PRR14L: variants seen among roughly 807,000 people sequenced by gnomAD.
PRR14L encodes proline rich 14 like, also known as protein PRR14L.
A neutral mutation model predicts 155.0 loss-of-function variants in PRR14L; 80 were observed. The observed-to-expected ratio is 0.52, with a 90% confidence interval of 0.43 to 0.62. PRR14L has a LOEUF of 0.62. Among genes scored for constraint, PRR14L ranks in the 20% least tolerant of loss-of-function variants. The probability of loss-of-function intolerance (pLI) is 0.00; values close to 1 mark genes in which losing one functional copy is unlikely to be tolerated. For synonymous variants in PRR14L, 883 were observed against 916.0 expected (o/e 0.96, Z 0.65); for missense variants, 2,469 against 2,548.0 (o/e 0.97, Z 0.67).
In PRR14L at chr22:31,685,066, G is replaced by A. The variant is rs368317399; in HGVS notation, c.*461C>T. The stretch of plus-strand genomic sequence containing the variant: ...TCCTCAACTACTGAAATGAGCCAGT[G>A]AGACCACACAGGACAGGACGCCAGG... On this transcript the variant is annotated 3_prime_UTR_variant, in exon 9 of 9. Coordinates refer to ENST00000327423, the MANE Select transcript of PRR14L (RefSeq NM_173566.3). 2.5e-5 allele frequency: 4 copies of A among 162,162 alleles called. No homozygotes were observed. The highest frequency in any genetic ancestry group is 7.2e-5 in the African/African-American group (3 of 41,634). 10.0% of individuals were successfully genotyped at this position (162,162 alleles called of 1,614,324 possible). A position where few individuals can be genotyped will look rare whatever the true frequency, so the allele number is the denominator to read the frequency against.
intron 2 of PRR14L, among the ~76,000 whole-genome samples, chr22:31,732,562 C>T (rs1374939687): frequency 6.6e-6 from 1 of 152,156 alleles, no homozygotes. Flanking sequence ...ACAATTTGTT[C>T]CTGAAGGAGG....
At chr22:31,726,714 A>C (rs1383097906) in intron 2 of PRR14L, among the ~76,000 whole-genome samples, 1 of 152,166 alleles carries the variant, frequency 6.6e-6, no homozygotes, top group East Asian at 1.9e-4. Flanking sequence ...TGGAAAAGGG[A>C]GAGTGCCTGA....
chr22:31,711,271 A>C (rs762402228), intron 4 of PRR14L, among the ~76,000 whole-genome samples: 9 of 152,076 alleles, frequency 5.9e-5, no homozygotes, highest in Non-Finnish European at 1.2e-4. Flanking sequence ...CCAGGAGTTC[A>C]AGACCAGCCT....
chr22:31,717,806 G>A (rs1414561445), intron 3 of PRR14L, among the ~76,000 whole-genome samples: 1 of 152,050 alleles, frequency 6.6e-6, no homozygotes, highest in African/African-American at 2.4e-5. Context: ...TGTTGCCCAT[G>A]CTGGAGTACA....
rs1285786859 is a variant in PRR14L at position 31,713,107 on chromosome 22, G to T, written c.4732C>A (p.Pro1578Thr). Reference protein sequence around the residue: ...CTLSAPTRLEPETAPTKSLVS... With the variant: ...CTLSAPTRLETETAPTKSLVS... ...AAGCTCTTGGTAGGTGCTGTTTCAG[G>T]TTCTAATCGTGTAGGTGCAGACAGA... Residue 1578 changes from proline (P) to threonine (T), a missense_variant, in exon 4 of 9, where the codon CCT (proline) becomes ACT (threonine). Coordinates refer to ENST00000327423, the MANE Select transcript of PRR14L (RefSeq NM_173566.3). 14 of 1,552,264 alleles carry T rather than the reference G, an allele frequency of 9.0e-6. No homozygotes were observed. Among genetic ancestry groups the T allele is most frequent in the Non-Finnish European group, 1.1e-5 (13 of 1,147,110 alleles).
chr22:31,743,296 CTG>C (rs1322041991), intron 1 of PRR14L, among the ~76,000 whole-genome samples: 1 of 151,502 alleles, frequency 6.6e-6, no homozygotes, highest in Non-Finnish European at 1.5e-5. Context: ...AACCGAAAGT[CTG>C]TCCAAAAAAA....
intron 3 of PRR14L, among the ~76,000 whole-genome samples, chr22:31,724,432 G>A (rs1235772445): frequency 6.6e-6 from 1 of 152,144 alleles, no homozygotes; most frequent in Non-Finnish European, 1.5e-5. Context: ...ACAGGGTCTT[G>A]CTCTGTTGCC....
rs775881521 is a variant in PRR14L, at chr22:31,715,250, C to T, written c.2589G>A (p.Thr863=). Residue 863 remains threonine, a synonymous_variant, in exon 4 of 9, where the codon ACG becomes ACA. Transcript: ENST00000327423. ...SQERELDGKE[T]NGSLPGDKIR... is the part of the protein sequence containing the mutation. ...TCTTATCTCCTGGAAGGCTGCCATT[C>T]GTTTCTTTCCCATCAAGTTCCCTTT... 2.3e-5 allele frequency: 35 copies of T among 1,552,196 alleles called. No homozygotes were observed. Among genetic ancestry groups the T allele is most frequent in the East Asian group, 2.4e-5 (1 of 40,936 alleles).
chr22:31,721,523 G>C lies in PRR14L; in HGVS notation c.547+4015C>G, dbSNP rs146237754. Among the ~76,000 whole-genome samples, 715 of 150,922 alleles carry C rather than the reference G, an allele frequency of 4.7e-3. 17 individuals are homozygous for C. The East Asian group carries it at 0.05, about 11-fold the overall frequency. On this transcript the variant is annotated intron_variant, in intron 3 of 8. Coordinates refer to ENST00000327423, the MANE Select transcript of PRR14L (RefSeq NM_173566.3). ...GCGGAGTTTGCAGTGAGCTGAGATAGTGCCACTGCAGTCTGGCCTGGGCGA... is the reference window on the plus strand; with the variant it reads ...GCGGAGTTTGCAGTGAGCTGAGATACTGCCACTGCAGTCTGGCCTGGGCGA...
intron 2 of PRR14L, among the ~76,000 whole-genome samples, chr22:31,737,201 C>G (rs530325712): frequency 6.6e-6 from 1 of 152,018 alleles, no homozygotes; most frequent in Non-Finnish European, 1.5e-5. Flanking sequence ...GAGGGCCCAG[C>G]AGGGTACGGT....
intron 3 of PRR14L, among the ~76,000 whole-genome samples, chr22:31,722,933 G>T (rs2074698777): frequency 6.6e-6 from 1 of 152,220 alleles, no homozygotes; most frequent in African/African-American, 2.4e-5. Flanking sequence ...AGAGAACGTG[G>T]GTCTATTTAA....
At chr22:31,711,820 T>C (rs1306593555) in intron 4 of PRR14L, among the ~76,000 whole-genome samples, 1 of 139,326 alleles carries the variant, frequency 7.2e-6, no homozygotes, top group African/African-American at 2.7e-5. Flanking sequence ...ACAGATTTGA[T>C]GGTTTGAAGA....
At chr22:31,741,934 T>C (rs2074815266) in intron 1 of PRR14L, among the ~76,000 whole-genome samples, 3 of 152,160 alleles carry the variant, frequency 2.0e-5, no homozygotes, top group African/African-American at 7.2e-5. Flanking sequence ...TCTCCTTTAT[T>C]TCCAGATACA....
intron 2 of PRR14L, among the ~76,000 whole-genome samples, chr22:31,725,913 C>CCCGCCT (rs1053815140): frequency 2.0e-5 from 3 of 151,922 alleles, no homozygotes; most frequent in Non-Finnish European, 4.4e-5. Flanking sequence ...AAGTGATCCG[C>CCCGCCT]CCGCCTCCGC....
chr22:31,700,801 G>A (rs571418911), intron 7 of PRR14L, among the ~76,000 whole-genome samples: 3 of 151,882 alleles, frequency 2.0e-5, no homozygotes, highest in Admixed American at 6.6e-5. Flanking sequence ...TGATCCACCC[G>A]CCTTGGCCTC....
chr22:31,734,498 G>A (rs1601515286), intron 2 of PRR14L, among the ~76,000 whole-genome samples: 2 of 152,164 alleles, frequency 1.3e-5, no homozygotes, highest in African/African-American at 4.8e-5. Context: ...TATGCAAGTG[G>A]TATGTCTGCT....
At chr22:31,731,878 G>A (rs1447277693) in intron 2 of PRR14L, among the ~76,000 whole-genome samples, 2 of 152,080 alleles carry the variant, frequency 1.3e-5, no homozygotes, top group African/African-American at 4.8e-5. Flanking sequence ...CTCCCCATTG[G>A]TTTTGTTATT....
chr22:31,716,920 C>T lies in PRR14L; in HGVS notation c.919G>A (p.Glu307Lys). 1 of 1,552,050 alleles carries T rather than the reference C, an allele frequency of 6.4e-7. No individual in the cohort carries two copies. Among genetic ancestry groups the T allele is most frequent in the African/African-American group, 1.4e-5 (1 of 73,182 alleles). ...AGCTGTTGGTGATTGTCATCTGCTT[C>T]ACAGACCAGGTTTGGTTTACACAAC... The part of the protein sequence containing the change: ...EELCKPNLVC[E>K]ADDNHQQLHG... The change falls in exon 4 of 9, where the codon GAA becomes AAA. Residue 307 changes from glutamate (E) to lysine (K), a missense_variant. Around this residue, in one of 2 missense-constraint regions of PRR14L, gnomAD observed 2,363 missense variants for 2,371.6 expected, o/e 1.00. Coordinates refer to ENST00000327423, the MANE Select transcript of PRR14L (RefSeq NM_173566.3).
chr22:31,717,650 A>G (rs755476751), intron 3 of PRR14L, among the ~76,000 whole-genome samples: 3 of 152,244 alleles, frequency 2.0e-5, no homozygotes, highest in Non-Finnish European at 2.9e-5. Flanking sequence ...CAGACTCACA[A>G]TAACAGCTTA....
Sources: gnomAD v4.1 joint callset for allele counts (sites outside exome capture counted in the v4.1 genomes callset) on GRCh38, gnomAD v4.1.1 for gene constraint, gnomAD v4.1.1 regional missense constraint, MANE v1.5 for transcripts, NCBI Gene and HGNC (gene_info 2026-07-23, HGNC 2026-07-21) for gene names.